DMD: variants seen among roughly 807,000 people sequenced by gnomAD.
DMD encodes the protein dystrophin.
In DMD, 63 loss-of-function variants were observed where a neutral mutation model predicts 330.1. That is an observed-to-expected ratio of 0.19 (90% confidence interval 0.16 to 0.24). The LOEUF (loss-of-function observed/expected upper bound fraction) is 0.24. Ranked by LOEUF, DMD falls within the 10% of genes least tolerant of loss-of-function variation. DMD has a pLI of 1.00. For missense variants in DMD, 3,344 were observed against 2,684.1 expected (o/e 1.25, Z -5.43); for synonymous variants, 1,223 against 959.8 (o/e 1.27, Z -5.07).
intron 13 of DMD, among the ~76,000 whole-genome samples, chrX:32,591,158 C>G (rs2054868796): frequency 9.0e-6 from 1 of 111,629 alleles, no homozygotes; most frequent in South Asian, 3.7e-4. Flanking sequence ...TGTACCTAGC[C>G]TCATTCTTTT....
At position 32,680,264 on chromosome X, in the gene DMD, C is replaced by T. The variant is rs1008883973; in HGVS notation, c.960+17606G>A. 8.1e-5 allele frequency among the ~76,000 whole-genome samples: 9 copies of T among 111,105 alleles called. No homozygotes were observed. The South Asian group carries it at 3.4e-3, about 42-fold the overall frequency. On this transcript the variant is annotated intron_variant, in intron 9 of 78. Coordinates refer to ENST00000357033, the MANE Select transcript of DMD (RefSeq NM_004006.3). The stretch of plus-strand genomic sequence containing the variant: ...GCTATCATATTGATTATGACCATGA[C>T]ACATATGACCATGAAAATATTTTTC...
At chrX:33,298,167 T>A (rs2053610603) in intron 1 of DMD, among the ~76,000 whole-genome samples, 1 of 111,358 alleles carries the variant, frequency 9.0e-6, no homozygotes, top group African/African-American at 3.3e-5. Flanking sequence ...CACAAGCATG[T>A]GATGATCAAC....
Position 31,251,629 on chromosome X carries a change from T to C in DMD, c.9286+9326A>G, listed in dbSNP as rs140825807. 7.5e-4 allele frequency among the ~76,000 whole-genome samples: 85 copies of C among 112,592 alleles called. 1 individual carries two copies. The highest frequency in any genetic ancestry group is 2.6e-3 in the African/African-American group (80 of 31,049). ...TTACTACCGTAGAGGGTACAGACTT[T>C]AAAAACTATCTATTTTATGTGAGTG... On this transcript the variant is annotated intron_variant, in intron 63 of 78. Transcript: ENST00000357033.
chrX:32,356,397 A>C (rs533037633), intron 37 of DMD, among the ~76,000 whole-genome samples: 32 of 108,159 alleles, frequency 3.0e-4, no homozygotes, highest in South Asian at 2.0e-3. Flanking sequence ...AAAAAAAAAA[A>C]AAAAAAAAAC....
intron 44 of DMD, among the ~76,000 whole-genome samples, chrX:32,215,338 C>A (rs771444851): frequency 5.0e-4 from 56 of 110,939 alleles, no homozygotes; most frequent in African/African-American, 1.8e-3. Context: ...TGCACAGATT[C>A]AAGAGCTTAA....
chrX:32,888,236 A>G (rs1014256558), intron 2 of DMD, among the ~76,000 whole-genome samples: 1 of 110,104 alleles, frequency 9.1e-6, no homozygotes, highest in African/African-American at 3.3e-5. Context: ...TGCTGCATCT[A>G]TCAACCCGTC....
At chrX:32,108,333 T>G (rs2096574199) in intron 44 of DMD, among the ~76,000 whole-genome samples, 1 of 111,941 alleles carries the variant, frequency 8.9e-6, no homozygotes, top group Non-Finnish European at 1.9e-5. Context: ...GAATGAAATT[T>G]AAGAGCAAAG....
At chrX:33,136,910 T>C (rs1273915859) in intron 1 of DMD, among the ~76,000 whole-genome samples, 1 of 111,301 alleles carries the variant, frequency 9.0e-6, no homozygotes, top group Non-Finnish European at 1.9e-5. Context: ...TTAAAAATTA[T>C]AGAAAAGATA....
At chrX:31,819,339 A>C (rs1337015564) in intron 50 of DMD, among the ~76,000 whole-genome samples, 2 of 112,082 alleles carry the variant, frequency 1.8e-5, no homozygotes, top group Admixed American at 9.4e-5. Context: ...AAAATGGGAG[A>C]GCTCTTAAAT....
intron 2 of DMD, among the ~76,000 whole-genome samples, chrX:32,872,516 C>T (rs1431899915): frequency 2.7e-5 from 3 of 112,168 alleles, no homozygotes; most frequent in Non-Finnish European, 5.6e-5. Context: ...CTTACTGTCT[C>T]AAGAAGATGA....
chrX:32,755,383 C>A (rs1178036870), intron 7 of DMD, among the ~76,000 whole-genome samples: 6 of 111,188 alleles, frequency 5.4e-5, no homozygotes, highest in African/African-American at 9.8e-5. Flanking sequence ...AGCACACAAT[C>A]CTTCTGAAGT....
chrX:31,566,577 C>G (rs974481489), intron 55 of DMD, among the ~76,000 whole-genome samples: 2 of 111,672 alleles, frequency 1.8e-5, no homozygotes. Context: ...TTTAGTTATT[C>G]TGTGGCCTGT....
chrX:31,451,829 G>A (rs1269767265), intron 59 of DMD, among the ~76,000 whole-genome samples: 6 of 99,198 alleles, frequency 6.0e-5, no homozygotes, highest in Admixed American at 1.1e-4. Context: ...CCATTGAAAC[G>A]TACTTTAAAA....
rs187132296 is a variant in DMD at position 33,023,107 on chromosome X, T to C, written c.32-2907A>G. On this transcript the variant is annotated intron_variant, in intron 1 of 78. Coordinates refer to ENST00000357033, the MANE Select transcript of DMD (RefSeq NM_004006.3). The stretch of plus-strand genomic sequence containing the variant: ...ATTTCAATTTTCGTCTTATATATCA[T>C]TATGGAAACATTTTAACATCCAAAA... Among the ~76,000 whole-genome samples, 679 of 112,070 alleles carry C rather than the reference T, an allele frequency of 6.1e-3. 5 individuals carry two copies. Among genetic ancestry groups the C allele is most frequent in the African/African-American group, 0.02 (633 of 30,992 alleles).
Position 31,718,542 on chromosome X carries a change from G to A in DMD, c.7660+11089C>T, listed in dbSNP as rs140322134. On this transcript the variant is annotated intron_variant, in intron 52 of 78. Coordinates refer to ENST00000357033, the MANE Select transcript of DMD (RefSeq NM_004006.3). ...TTGAGAAATAATAAGGGTTAGATGA[G>A]GTCATAGGTTGAGGCCTCCATAATT... Among the ~76,000 whole-genome samples, 759 of 110,741 alleles carry A rather than the reference G, an allele frequency of 6.9e-3. 2 individuals carry two copies. The highest frequency in any genetic ancestry group is 0.019 in the Middle Eastern group (4 of 216).
At chrX:32,299,898 T>C (rs1408466962) in intron 42 of DMD, among the ~76,000 whole-genome samples, 2 of 111,638 alleles carry the variant, frequency 1.8e-5, no homozygotes, top group Non-Finnish European at 3.8e-5. Context: ...ATAAAATTCC[T>C]CCTAGTTTCT....
chrX:33,010,823 A>C (rs35288481), intron 2 of DMD, among the ~76,000 whole-genome samples: 3,861 of 110,748 alleles, frequency 0.035, 126 homozygotes, highest in East Asian at 0.2. Context: ...TGATTAAATT[A>C]CTGAAATTCT....
intron 21 of DMD, among the ~76,000 whole-genome samples, chrX:32,474,064 T>C (rs572014915): frequency 1.8e-5 from 2 of 111,172 alleles, no homozygotes; most frequent in Admixed American, 1.9e-4. Flanking sequence ...CACATATCAG[T>C]GAGAACATAC....
At chrX:33,027,344 T>C (rs1434360385) in intron 1 of DMD, among the ~76,000 whole-genome samples, 1 of 111,540 alleles carries the variant, frequency 9.0e-6, no homozygotes, top group African/African-American at 3.3e-5. Flanking sequence ...CTCTAGAAAA[T>C]GGAAAAGGCA....
Sources: gnomAD v4.1 joint callset for allele counts (sites outside exome capture counted in the v4.1 genomes callset) on GRCh38, gnomAD v4.1.1 for gene constraint, MANE v1.5 for transcripts, NCBI Gene and HGNC (gene_info 2026-07-23, HGNC 2026-07-21) for gene names.